REEP3: variants seen among roughly 807,000 people sequenced by gnomAD.
REEP3 encodes receptor accessory protein 3, also known as receptor expression-enhancing protein 3.
Under a neutral mutation model 41.3 loss-of-function variants are expected in REEP3, and 20 were observed. The ratio of observed to expected loss-of-function variants is 0.48; its 90% CI spans 0.34 to 0.70. REEP3 has a LOEUF of 0.70. Ranked by LOEUF, REEP3 falls within the 30% of genes least tolerant of loss-of-function variation. REEP3 has a pLI of 0.01. For missense variants in REEP3, 271 were observed against 308.8 expected, an observed-to-expected ratio of 0.88 and a Z score of 0.92; for synonymous variants, 104 against 101.8, an observed-to-expected ratio of 1.02 and a Z score of -0.13.
chr10:63,619,831 G>T, intron 7 of REEP3, 31 bp downstream of exon 7: 1 of 1,548,712 alleles, frequency 6.5e-7, no homozygotes. Context: ...TTTTCCTAAT[G>T]ATTAGTGAAG....
chr10:63,593,574 G>A (rs1956085566), intron 2 of REEP3, among the ~76,000 whole-genome samples: 1 of 152,150 alleles, frequency 6.6e-6, no homozygotes, highest in African/African-American at 2.4e-5. Context: ...TGGTTGGCAT[G>A]GCATTGTGTA....
intron 1 of REEP3, among the ~76,000 whole-genome samples, chr10:63,565,351 T>TA (rs1955788208): frequency 6.6e-6 from 1 of 152,244 alleles, no homozygotes; most frequent in Non-Finnish European, 1.5e-5. Flanking sequence ...ATATCCATTG[T>TA]AAACTGTGTA....
chr10:63,547,245 A>G (rs533675711), intron 1 of REEP3, among the ~76,000 whole-genome samples: 1 of 151,424 alleles, frequency 6.6e-6, no homozygotes, highest in East Asian at 1.9e-4. Flanking sequence ...TAAGATAACC[A>G]AAAACAACCT....
intron 3 of REEP3, 86 bp from the exon 4 acceptor site, chr10:63,597,938 A>G (rs1956131574): frequency 2.6e-6 from 3 of 1,140,686 alleles, no homozygotes; most frequent in African/African-American, 1.6e-5. Flanking sequence ...CAGCATAGTG[A>G]CTGAACTTTT....
At chr10:63,594,666 A>T in intron 2 of REEP3, 112 bp from the exon 3 acceptor site, 1 of 720,830 alleles carries the variant, frequency 1.4e-6, no homozygotes, top group South Asian at 1.7e-5. Flanking sequence ...CCAGAAATAC[A>T]TACATAATAT....
intron 1 of REEP3, among the ~76,000 whole-genome samples, chr10:63,552,012 A>C (rs549199769): frequency 1.3e-5 from 2 of 152,328 alleles, no homozygotes; most frequent in South Asian, 2.1e-4. Flanking sequence ...TTATTTTAAA[A>C]GAGTAAGTGG....
intron 1 of REEP3, among the ~76,000 whole-genome samples, chr10:63,560,359 A>G (rs906527532): frequency 3.3e-5 from 5 of 152,196 alleles, no homozygotes; most frequent in African/African-American, 1.2e-4. Context: ...ATGGTTTCTT[A>G]AAGCATTTGA....
intron 5 of REEP3, among the ~76,000 whole-genome samples, chr10:63,603,406 C>T (rs10995566): frequency 0.29 from 43,205 of 151,264 alleles, 6,484 homozygotes; most frequent in Non-Finnish European, 0.31. Flanking sequence ...AAAAATGCCA[C>T]GAAAACAAAA....
At chr10:63,592,006 C>T (rs1369769318) in intron 2 of REEP3, among the ~76,000 whole-genome samples, 2 of 152,092 alleles carry the variant, frequency 1.3e-5, no homozygotes, top group Non-Finnish European at 2.9e-5. Flanking sequence ...TACTTAAATG[C>T]TTTTATTTTT....
At chr10:63,532,497 C>A (rs146509548) in intron 1 of REEP3, among the ~76,000 whole-genome samples, 1 of 152,122 alleles carries the variant, frequency 6.6e-6, no homozygotes, top group East Asian at 1.9e-4. Flanking sequence ...CCTGTCTCTA[C>A]TAAAAATACA....
intron 1 of REEP3, among the ~76,000 whole-genome samples, chr10:63,564,953 A>G (rs1475605511): frequency 6.6e-6 from 1 of 152,210 alleles, no homozygotes; most frequent in African/African-American, 2.4e-5. Flanking sequence ...GTGTGATGCA[A>G]TGCAGACATT....
At position 63,623,307 on chromosome 10, in the gene REEP3, C is replaced by G. The variant is rs1956369195; in HGVS notation, c.*2438C>G. Reference sequence around the variant, plus strand: ...CCTGTACATGTGTTTTAGCGGGGCCCTTTTCTTTGAACTTTGTCTAATTAG... The same window carrying G: ...CCTGTACATGTGTTTTAGCGGGGCCGTTTTCTTTGAACTTTGTCTAATTAG... On this transcript the variant is annotated 3_prime_UTR_variant, in exon 8 of 8. Transcript: ENST00000373758. The G allele has an allele frequency of 6.6e-6, 1 of 152,084 alleles. No homozygotes were observed. The highest frequency in any genetic ancestry group is 2.4e-5 in the African/African-American group (1 of 41,404). 9.4% of individuals were successfully genotyped at this position (152,084 alleles called of 1,614,324 possible). A position where few individuals can be genotyped will look rare whatever the true frequency, so the allele number is the denominator to read the frequency against.
At chr10:63,614,945 CGTT>C (rs1373467105) in intron 6 of REEP3, among the ~76,000 whole-genome samples, 3 of 152,050 alleles carry the variant, frequency 2.0e-5, no homozygotes, top group African/African-American at 7.2e-5. Flanking sequence ...ATGTTCATCT[CGTT>C]GTTTATAATA....
At chr10:63,547,779 G>T (rs1034950301) in intron 1 of REEP3, among the ~76,000 whole-genome samples, 3 of 152,146 alleles carry the variant, frequency 2.0e-5, no homozygotes, top group African/African-American at 7.2e-5. Context: ...ATAATATTGG[G>T]CACACTCACA....
chr10:63,545,870 G>A (rs577920821), intron 1 of REEP3, among the ~76,000 whole-genome samples: 31 of 151,994 alleles, frequency 2.0e-4, no homozygotes, highest in Non-Finnish European at 4.0e-4. Context: ...AAAACATTTT[G>A]TTTGGAATCA....
chr10:63,603,302 GA>G (rs1311255757), intron 5 of REEP3, among the ~76,000 whole-genome samples: 2 of 89,248 alleles, frequency 2.2e-5, no homozygotes. Context: ...GAGAGTGCAA[GA>G]CTCTGTCTCA....
intron 6 of REEP3, among the ~76,000 whole-genome samples, chr10:63,611,986 C>T (rs1383085606): frequency 1.3e-5 from 2 of 151,546 alleles, no homozygotes; most frequent in African/African-American, 4.8e-5. Flanking sequence ...GAGCTTTCTT[C>T]CAAGAATGAA....
intron 1 of REEP3, chr10:63,562,891 C>G (rs1195044008): frequency 6.6e-6 from 3 of 456,118 alleles, no homozygotes; most frequent in Admixed American, 4.7e-5. Flanking sequence ...TCCTAACCCC[C>G]TGCGCATCAG....
At chr10:63,596,743 T>C (rs1305829210) in intron 3 of REEP3, among the ~76,000 whole-genome samples, 1 of 152,236 alleles carries the variant, frequency 6.6e-6, no homozygotes, top group Non-Finnish European at 1.5e-5. Context: ...AATGGTTGAC[T>C]GCATCTTTGC....
Sources: allele counts gnomAD v4.1 joint callset (sites outside exome capture counted in the v4.1 genomes callset), GRCh38; gene constraint gnomAD v4.1.1; transcripts MANE v1.5; gene names NCBI Gene and HGNC (gene_info 2026-07-23, HGNC 2026-07-21).